The following SYT9 variants were observed in gnomAD, a reference collection of about 807,000 sequenced individuals.
SYT9 encodes the protein synaptotagmin 9.
A neutral mutation model predicts 48.4 loss-of-function variants in SYT9; 22 were observed. The observed-to-expected ratio is 0.45, with a 90% CI of 0.32 to 0.65. SYT9 has a LOEUF of 0.65. SYT9 is among the 30% of genes least tolerant of loss of function. The pLI is 0.03. For missense variants in SYT9, 577 were observed against 622.0 expected, an observed-to-expected ratio of 0.93 and a Z score of 0.77; for synonymous variants, 265 against 245.0, an observed-to-expected ratio of 1.08 and a Z score of -0.76.
intron 1 of SYT9, among the ~76,000 whole-genome samples, chr11:7,240,810 C>T (rs530537339): frequency 6.6e-6 from 1 of 152,224 alleles, no homozygotes; most frequent in East Asian, 1.9e-4. Flanking sequence ...TAATTAAACC[C>T]TCCAAGTCAG....
intron 3 of SYT9, among the ~76,000 whole-genome samples, chr11:7,396,510 A>C (rs556908975): frequency 1.5e-4 from 23 of 152,108 alleles, no homozygotes; most frequent in Non-Finnish European, 3.1e-4. Context: ...TTCATTCCCC[A>C]GTTGATAGAC....
intron 3 of SYT9, among the ~76,000 whole-genome samples, chr11:7,383,034 C>T (rs1487873): frequency 0.027 from 4,042 of 152,260 alleles, 180 homozygotes; most frequent in African/African-American, 0.093. Context: ...TAGGATCCAT[C>T]GCTTAAGAAG....
chr11:7,328,118 T>C lies in SYT9; in HGVS notation c.1044+14177T>C, dbSNP rs190701125. Among the ~76,000 whole-genome samples, 74 of 151,636 alleles carry C rather than the reference T, an allele frequency of 4.9e-4. 1 individual carries two copies. The highest frequency in any genetic ancestry group is 1.6e-3 in the African/African-American group (65 of 41,438). ...ATAATAATTTTAAAAAAAATTTTTCTTTTAGTTTTGTCTTGTATATTTCTA... is the reference window on the plus strand; with the variant it reads ...ATAATAATTTTAAAAAAAATTTTTCCTTTAGTTTTGTCTTGTATATTTCTA... On this transcript the variant is annotated intron_variant, in intron 3 of 6. Coordinates refer to ENST00000318881, the MANE Select transcript of SYT9 (RefSeq NM_175733.4).
chr11:7,386,742 A>T (rs1425370649), intron 3 of SYT9, among the ~76,000 whole-genome samples: 1 of 152,236 alleles, frequency 6.6e-6, no homozygotes, highest in Non-Finnish European at 1.5e-5. Flanking sequence ...CAGTGTGGCG[A>T]TTCCTTAGGG....
At chr11:7,457,915 C>A (rs997482827) in intron 6 of SYT9, 46 of 152,342 alleles carry the variant, frequency 3.0e-4, no homozygotes, top group African/African-American at 1.1e-3. Flanking sequence ...AGCAATCTTT[C>A]AAGGTGCTTC....
intron 6 of SYT9, among the ~76,000 whole-genome samples, chr11:7,460,597 T>C (rs934115723): frequency 6.6e-5 from 10 of 152,268 alleles, no homozygotes; most frequent in African/African-American, 2.4e-4. Context: ...ATCTTAAAAA[T>C]AAGCTTTATA....
At chr11:7,292,814 T>C (rs1001470756) in intron 1 of SYT9, among the ~76,000 whole-genome samples, 12 of 152,228 alleles carry the variant, frequency 7.9e-5, no homozygotes, top group African/African-American at 2.9e-4. Flanking sequence ...CTTCCAATTA[T>C]GTGGGTGTAA....
At chr11:7,240,363 C>A (rs1044416317) in intron 1 of SYT9, among the ~76,000 whole-genome samples, 1 of 152,116 alleles carries the variant, frequency 6.6e-6, no homozygotes, top group Non-Finnish European at 1.5e-5. Flanking sequence ...TTGAGCCTAA[C>A]CACCGCTAGA....
intron 1 of SYT9, among the ~76,000 whole-genome samples, chr11:7,277,452 C>T (rs754606764): frequency 5.3e-5 from 8 of 152,012 alleles, no homozygotes; most frequent in South Asian, 2.1e-4. Flanking sequence ...GTTCAAAAGT[C>T]GACTTAACAA....
intron 3 of SYT9, among the ~76,000 whole-genome samples, chr11:7,370,057 T>A (rs1850334377): frequency 6.6e-6 from 1 of 152,018 alleles, no homozygotes. Context: ...CCACTCCCAC[T>A]CTTCCCCCCA....
At chr11:7,409,355 G>T (rs866907452) in intron 3 of SYT9, among the ~76,000 whole-genome samples, 2 of 152,034 alleles carry the variant, frequency 1.3e-5, no homozygotes, top group African/African-American at 4.8e-5. Flanking sequence ...TCCTTGTCAG[G>T]TTTTGTCACT....
intron 3 of SYT9, among the ~76,000 whole-genome samples, chr11:7,404,645 A>G (rs1846966731): frequency 6.6e-6 from 1 of 152,148 alleles, no homozygotes; most frequent in African/African-American, 2.4e-5. Flanking sequence ...GCATCTCAAT[A>G]TCGATTTTTC....
At chr11:7,328,573 T>C (rs1232037997) in intron 3 of SYT9, among the ~76,000 whole-genome samples, 1 of 152,166 alleles carries the variant, frequency 6.6e-6, no homozygotes, top group East Asian at 1.9e-4. Flanking sequence ...GACATAACTA[T>C]TATTTTCTGA....
chr11:7,422,148 A>G (rs2095808576), intron 6 of SYT9, among the ~76,000 whole-genome samples: 1 of 152,220 alleles, frequency 6.6e-6, no homozygotes, highest in South Asian at 2.1e-4. Flanking sequence ...ATTGATAGTC[A>G]GGTGAGTCTG....
intron 1 of SYT9, among the ~76,000 whole-genome samples, chr11:7,279,848 C>T (rs1043505650): frequency 6.6e-6 from 1 of 152,172 alleles, no homozygotes; most frequent in Non-Finnish European, 1.5e-5. Context: ...ATCTAATTGC[C>T]CTGGGTCAAG....
intron 3 of SYT9, among the ~76,000 whole-genome samples, chr11:7,393,309 T>A (rs1172032073): frequency 3.6e-5 from 5 of 140,280 alleles, no homozygotes; most frequent in Non-Finnish European, 4.8e-5. Context: ...TTTTTTTTTT[T>A]ATCATGAAGT....
chr11:7,388,091 A>G (rs1316825778), intron 3 of SYT9, among the ~76,000 whole-genome samples: 2 of 152,144 alleles, frequency 1.3e-5, no homozygotes, highest in African/African-American at 4.8e-5. Context: ...CTTCTTCCCT[A>G]AATGTTTAAT....
rs1564896042 is a variant in SYT9, at chr11:7,416,243, G to A, written c.1165+81G>A. 5 of 1,540,384 alleles carry A rather than the reference G, an allele frequency of 3.2e-6. No homozygotes were observed. In the East Asian group the frequency reaches 9.0e-5, roughly 28 times the overall value. On this transcript the variant is annotated intron_variant, in intron 4 of 6. Transcript: ENST00000318881. ...TATAAAGTTTTAGTATGGTAATAAA[G>A]CACATTGACTCTGGAACCAGACTGC...
chr11:7,291,211 G>A (rs1034111365), intron 1 of SYT9, among the ~76,000 whole-genome samples: 1 of 152,172 alleles, frequency 6.6e-6, no homozygotes, highest in Non-Finnish European at 1.5e-5. Context: ...ATGTAGGTCA[G>A]CCTCACAGAG....
Sources: gnomAD v4.1 joint callset for allele counts (sites outside exome capture counted in the v4.1 genomes callset) on GRCh38, gnomAD v4.1.1 for gene constraint, MANE v1.5 for transcripts, NCBI Gene and HGNC (gene_info 2026-07-23, HGNC 2026-07-21) for gene names.